Variants in AGAP1 observed in about 807,000 individuals in gnomAD.
The protein encoded by AGAP1 is arf-GAP with GTPase, ANK repeat and PH domain-containing protein 1.
AGAP1 carries 29 observed loss-of-function variants against 105.3 expected under a neutral mutation model. That is an observed-to-expected ratio of 0.28 (90% CI 0.21 to 0.38). AGAP1 has a LOEUF of 0.38. Among genes scored for constraint, AGAP1 ranks in the 10% least tolerant of loss-of-function variants. The pLI is 1.00. For missense variants in AGAP1, 998 were observed against 1,165.1 expected (o/e 0.86, Z 2.09); for synonymous variants, 509 against 485.9 (o/e 1.05, Z -0.63).
intron 13 of AGAP1, among the ~76,000 whole-genome samples, chr2:236,006,558 CTAAG>C (rs2125541499): frequency 6.6e-6 from 1 of 152,138 alleles, no homozygotes; most frequent in East Asian, 1.9e-4. Flanking sequence ...TTGGAAATAA[CTAAG>C]TGTTTTAACA....
chr2:236,022,264 C>T (rs1360449124), intron 13 of AGAP1, among the ~76,000 whole-genome samples: 1 of 152,072 alleles, frequency 6.6e-6, no homozygotes, highest in African/African-American at 2.4e-5. Flanking sequence ...TCGTAATTGA[C>T]CTGTGGGGAT....
chr2:235,532,196 CT>C (rs1431317929), intron 1 of AGAP1, among the ~76,000 whole-genome samples: 6 of 152,076 alleles, frequency 3.9e-5, no homozygotes, highest in Non-Finnish European at 8.8e-5. Flanking sequence ...CTTGGGGATG[CT>C]TTTTGTTTTT....
In AGAP1 at chr2:236,027,151, A is replaced by AT. The variant is rs1576103325; in HGVS notation, c.1646-9402dup. 2.0e-5 allele frequency among the ~76,000 whole-genome samples: 3 copies of AT among 151,924 alleles called. No individual in the cohort carries two copies. Among genetic ancestry groups the AT allele is most frequent in the South Asian group, 2.1e-4 (1 of 4,818 alleles). On this transcript the variant is annotated intron_variant, in intron 13 of 17. Coordinates refer to ENST00000304032, the MANE Select transcript of AGAP1 (RefSeq NM_001037131.3). The surrounding 1 kb of genome is among the most constrained non-coding windows in gnomAD (Gnocchi z 4.4). ...CAGTTGCTCTATAATCCTTGTACTT[A>AT]TTTTTTTTAATCTTGGGAGGCAGAG...
rs1345394011 is a variant in AGAP1 at position 235,777,739 on chromosome 2, T to C, written c.674-20020T>C. 6.6e-6 allele frequency among the ~76,000 whole-genome samples: 1 copy of C among 152,190 alleles called. No homozygotes were observed. The highest frequency in any genetic ancestry group is 1.5e-5 in the Non-Finnish European group (1 of 68,026). ...AGGACTAGGTAGGCAGATGTCCTGA[T>C]AAAGGTGCACGCTCAAGTGTTTGAG... On this transcript the variant is annotated intron_variant, in intron 6 of 17. Coordinates refer to ENST00000304032, the MANE Select transcript of AGAP1 (RefSeq NM_001037131.3). This position sits in a 1 kb window ranked among gnomAD's most constrained non-coding sequence, Gnocchi z 5.1.
At chr2:235,531,348 CTCTGGT>C (rs1458043494) in intron 1 of AGAP1, among the ~76,000 whole-genome samples, 1 of 152,150 alleles carries the variant, frequency 6.6e-6, no homozygotes, top group African/African-American at 2.4e-5. Flanking sequence ...GCTGGGCAGA[CTCTGGT>C]TCCTGTATTC....
At position 236,082,179 on chromosome 2, in the gene AGAP1, C is replaced by A. The variant is rs1259141839; in HGVS notation, c.2114+32898C>A. ...AGTTTTCCCTCTAGAACAAACCTAT[C>A]ATTTTTCACCACGGGATATTTACAG... On this transcript the variant is annotated intron_variant, in intron 16 of 17. Coordinates refer to ENST00000304032, the MANE Select transcript of AGAP1 (RefSeq NM_001037131.3). This position sits in a 1 kb window ranked among gnomAD's most constrained non-coding sequence, Gnocchi z 4.2. Among the ~76,000 whole-genome samples the A allele has an allele frequency of 6.6e-6, 1 of 152,210 alleles. No homozygotes were observed. The highest frequency in any genetic ancestry group is 1.5e-5 in the Non-Finnish European group (1 of 68,042).
At chr2:235,727,494 G>A (rs1951706728) in intron 3 of AGAP1, among the ~76,000 whole-genome samples, 1 of 152,292 alleles carries the variant, frequency 6.6e-6, no homozygotes, top group South Asian at 2.1e-4. Context: ...GTGTCTCCTT[G>A]TGACTTTTAC....
intron 11 of AGAP1, among the ~76,000 whole-genome samples, chr2:235,912,639 G>C (rs2051673563): frequency 1.3e-5 from 2 of 152,110 alleles, no homozygotes; most frequent in African/African-American, 4.8e-5. Context: ...TTATTGCTTT[G>C]GAATAACTGT....
At chr2:235,616,968 T>C (rs184787860) in intron 1 of AGAP1, among the ~76,000 whole-genome samples, 4 of 152,166 alleles carry the variant, frequency 2.6e-5, no homozygotes, top group Non-Finnish European at 4.4e-5. Context: ...TTTTATTTTT[T>C]TTTTTTAAGC....
Position 235,879,733 on chromosome 2 carries a change from G to A in AGAP1, c.1051-3612G>A, listed in dbSNP as rs957531630. Among the ~76,000 whole-genome samples, 9 of 151,932 alleles carry A rather than the reference G, an allele frequency of 5.9e-5. No individual in the cohort carries two copies. The highest frequency in any genetic ancestry group is 1.9e-4 in the African/African-American group (8 of 41,352). ...GCTTGAGCCCAGGAGTTCGAGACCA[G>A]CCTGGGCAAGATGATGAGACCCTGT... On this transcript the variant is annotated intron_variant, in intron 9 of 17. Coordinates refer to ENST00000304032, the MANE Select transcript of AGAP1 (RefSeq NM_001037131.3). This position sits in a 1 kb window ranked among gnomAD's most constrained non-coding sequence, Gnocchi z 5.0.
chr2:235,942,269 C>T (rs536705247), intron 12 of AGAP1, among the ~76,000 whole-genome samples: 2 of 152,216 alleles, frequency 1.3e-5, no homozygotes, highest in African/African-American at 2.4e-5. Context: ...CCAGTAGCCA[C>T]GGGTAGAGCC....
rs561263833 is a variant in AGAP1 at position 235,982,840 on chromosome 2, T to C, written c.1645+14217T>C. ...TCATCAGTGACTTGTTACCTTCTGT[T>C]TCTGATTGCCAGCTCATCAGCTTAG... On this transcript the variant is annotated intron_variant, in intron 13 of 17. Transcript: ENST00000304032. The surrounding 1 kb of genome is among the most constrained non-coding windows in gnomAD (Gnocchi z 4.9). Among the ~76,000 whole-genome samples the C allele has an allele frequency of 4.2e-4, 64 of 152,338 alleles. No homozygotes were observed. The highest frequency in any genetic ancestry group is 1.4e-3 in the Admixed American group (21 of 15,310).
intron 1 of AGAP1, among the ~76,000 whole-genome samples, chr2:235,699,713 C>T (rs1391849209): frequency 1.3e-5 from 2 of 152,228 alleles, no homozygotes; most frequent in African/African-American, 4.8e-5. Flanking sequence ...GATGGGCAGG[C>T]CATTCCTTCT....
rs1959226875 is a variant in AGAP1, at chr2:235,830,535, A to G, written c.1050+23204A>G. ...CCCTCTCATCAGGTCCGTGTGCACCAGGAAGTTTACAGTTCAGAAGTGTTG... is the reference window on the plus strand; with the variant it reads ...CCCTCTCATCAGGTCCGTGTGCACCGGGAAGTTTACAGTTCAGAAGTGTTG... On this transcript the variant is annotated intron_variant, in intron 9 of 17. Coordinates refer to ENST00000304032, the MANE Select transcript of AGAP1 (RefSeq NM_001037131.3). The surrounding 1 kb of genome is among the most constrained non-coding windows in gnomAD (Gnocchi z 5.5). Among the ~76,000 whole-genome samples, 1 of 151,430 alleles carries G rather than the reference A, an allele frequency of 6.6e-6. No individual in the cohort carries two copies. Among genetic ancestry groups the G allele is most frequent in the East Asian group, 2.0e-4 (1 of 5,128 alleles).
At position 235,746,391 on chromosome 2, in the gene AGAP1, T is replaced by C. The variant is rs1025330500; in HGVS notation, c.538+1552T>C. Among the ~76,000 whole-genome samples the C allele has an allele frequency of 2.3e-3, 286 of 124,486 alleles. 4 individuals carry two copies. The highest frequency in any genetic ancestry group is 8.6e-3 in the African/African-American group (278 of 32,220). 81.7% of individuals were successfully genotyped at this position (124,486 alleles called of 152,430 possible). The stretch of plus-strand genomic sequence containing the variant: ...ACCTCCCCCAACTTTTTTTTTTTTT[T>C]TTTTTTTTTTTTTTTTTTTTAAAGC... On this transcript the variant is annotated intron_variant, in intron 5 of 17. Coordinates refer to ENST00000304032, the MANE Select transcript of AGAP1 (RefSeq NM_001037131.3).
At chr2:235,537,637 A>G (rs1240211446) in intron 1 of AGAP1, among the ~76,000 whole-genome samples, 2 of 152,234 alleles carry the variant, frequency 1.3e-5, no homozygotes, top group Non-Finnish European at 2.9e-5. Flanking sequence ...TCTTCTTATT[A>G]CTATCAATAT....
chr2:235,848,511 G>A (rs775953046), intron 9 of AGAP1, among the ~76,000 whole-genome samples: 4 of 152,212 alleles, frequency 2.6e-5, no homozygotes, highest in Non-Finnish European at 5.9e-5. Flanking sequence ...TTTGGGTTTA[G>A]CAAAAACTGG....
intron 1 of AGAP1, among the ~76,000 whole-genome samples, chr2:235,589,196 T>TTTTTTTTTTTTTG (rs1945240181): frequency 1.2e-5 from 1 of 83,492 alleles, no homozygotes. Context: ...ATTGTTTTGT[T>TTTTTTTTTTTTTG]TTTTTTTTTT....
rs567912190 is a variant in AGAP1 at position 235,621,638 on chromosome 2, T to C, written c.164-87541T>C. 6.6e-6 allele frequency among the ~76,000 whole-genome samples: 1 copy of C among 152,348 alleles called. No individual in the cohort carries two copies. Among genetic ancestry groups the C allele is most frequent in the Non-Finnish European group, 1.5e-5 (1 of 68,030 alleles). On this transcript the variant is annotated intron_variant, in intron 1 of 17. Coordinates refer to ENST00000304032, the MANE Select transcript of AGAP1 (RefSeq NM_001037131.3). This position sits in a 1 kb window ranked among gnomAD's most constrained non-coding sequence, Gnocchi z 4.1. ...CTCTGACTCCAGATGTCAGTGACCC[T>C]TCTGGTCTCTCCAACACAAGGGTTG...
Sources: allele counts gnomAD v4.1 joint callset (sites outside exome capture counted in the v4.1 genomes callset), GRCh38; gene constraint gnomAD v4.1.1; non-coding constraint Gnocchi (gnomAD v3.1); transcripts MANE v1.5; gene names NCBI Gene and HGNC (gene_info 2026-07-23, HGNC 2026-07-21).